Variants in DPP10 observed in about 807,000 individuals in gnomAD.
DPP10 encodes the protein dipeptidyl peptidase like 10, also known as inactive dipeptidyl peptidase 10.
A neutral mutation model predicts 120.9 loss-of-function variants in DPP10; 33 were observed. The observed-to-expected ratio is 0.27, with a 90% confidence interval of 0.21 to 0.37. DPP10 has a LOEUF of 0.37. DPP10 is among the 10% of genes least tolerant of loss of function. The pLI, the probability that DPP10 is intolerant of heterozygous loss-of-function variation, is 1.00. For synonymous variants in DPP10, 337 were observed against 326.1 expected, an observed-to-expected ratio of 1.03 and a Z score of -0.36; for missense variants, 816 against 942.8, an observed-to-expected ratio of 0.87 and a Z score of 1.76.
At chr2:114,731,107 G>A (rs1381449723) in intron 1 of DPP10, among the ~76,000 whole-genome samples, 1 of 151,864 alleles carries the variant, frequency 6.6e-6, no homozygotes, top group Non-Finnish European at 1.5e-5. Context: ...TGTGGATAGA[G>A]ACCTGTCTCT....
At chr2:115,816,724 C>G (rs1451925969) in intron 21 of DPP10, among the ~76,000 whole-genome samples, 5 of 148,038 alleles carry the variant, frequency 3.4e-5, no homozygotes, top group Admixed American at 2.7e-4. Flanking sequence ...TCAAGCGATT[C>G]TCCTGCATCA....
chr2:115,752,787 T>A (rs1678913868), intron 10 of DPP10, among the ~76,000 whole-genome samples: 1 of 152,200 alleles, frequency 6.6e-6, no homozygotes, highest in African/African-American at 2.4e-5. Flanking sequence ...CATACCTTTA[T>A]AAATGTATAC....
chr2:114,852,867 T>C (rs532998632), intron 1 of DPP10, among the ~76,000 whole-genome samples: 7 of 152,262 alleles, frequency 4.6e-5, no homozygotes, highest in Admixed American at 1.3e-4. Context: ...AACTTCAAAG[T>C]TTTGCTTTTC....
chr2:114,537,798 G>T (rs1466914570), intron 1 of DPP10, among the ~76,000 whole-genome samples: 1 of 152,214 alleles, frequency 6.6e-6, no homozygotes, highest in East Asian at 1.9e-4. Flanking sequence ...GCTAGTGGCA[G>T]CTTTGGAGCC....
intron 1 of DPP10, among the ~76,000 whole-genome samples, chr2:115,035,461 A>G (rs1704163812): frequency 6.6e-6 from 1 of 152,194 alleles, no homozygotes; most frequent in South Asian, 2.1e-4. Context: ...ACGTATCTTG[A>G]AGGAGGAGCT....
chr2:115,432,960 A>T (rs1027106954), intron 3 of DPP10, among the ~76,000 whole-genome samples: 1 of 151,970 alleles, frequency 6.6e-6, no homozygotes, highest in Non-Finnish European at 1.5e-5. Flanking sequence ...ATCCTTCATG[A>T]TATAGTGATC....
chr2:115,498,773 T>C (rs2076536763), intron 3 of DPP10, among the ~76,000 whole-genome samples: 1 of 150,730 alleles, frequency 6.6e-6, no homozygotes, highest in African/African-American at 2.4e-5. Flanking sequence ...TTTTACCTCG[T>C]TAGTAATTTC....
intron 5 of DPP10, among the ~76,000 whole-genome samples, chr2:115,604,144 TATTCAG>T (rs1401358425): frequency 9.9e-5 from 15 of 152,028 alleles, no homozygotes; most frequent in African/African-American, 3.6e-4. Context: ...TCTTTCAGGA[TATTCAG>T]ATTCCCTTTC....
chr2:115,085,960 C>G (rs947156418), intron 1 of DPP10, among the ~76,000 whole-genome samples: 2 of 152,078 alleles, frequency 1.3e-5, no homozygotes, highest in African/African-American at 4.8e-5. Flanking sequence ...GGTGGGTACC[C>G]TATATATCGT....
At chr2:115,374,541 G>A (rs2065645031) in intron 3 of DPP10, among the ~76,000 whole-genome samples, 2 of 152,184 alleles carry the variant, frequency 1.3e-5, no homozygotes, top group South Asian at 2.1e-4. Flanking sequence ...ACCAGGCAGT[G>A]CCCCAGTGGA....
chr2:115,680,609 GT>G (rs1262886813), intron 5 of DPP10, among the ~76,000 whole-genome samples: 1 of 151,798 alleles, frequency 6.6e-6, no homozygotes, highest in Non-Finnish European at 1.5e-5. Context: ...AATTTTAAAA[GT>G]ACTAGAAGAA....
chr2:115,823,869 T>C (rs1199173179), intron 21 of DPP10, among the ~76,000 whole-genome samples: 2 of 152,192 alleles, frequency 1.3e-5, no homozygotes, highest in African/African-American at 2.4e-5. Context: ...TAAAAAGCGA[T>C]GTGATTCATT....
intron 1 of DPP10, among the ~76,000 whole-genome samples, chr2:114,514,495 T>G (rs948253435): frequency 2.0e-5 from 3 of 152,184 alleles, no homozygotes; most frequent in Admixed American, 2.0e-4. Flanking sequence ...AGTTCTCTGT[T>G]TTCCTGGGTT....
chr2:115,582,676 T>C (rs2082066690), intron 5 of DPP10, among the ~76,000 whole-genome samples: 1 of 152,188 alleles, frequency 6.6e-6, no homozygotes. Flanking sequence ...TTCCAAGCAG[T>C]TTTTAACTTC....
chr2:114,960,111 T>C, intron 1 of DPP10, among the ~76,000 whole-genome samples: 1 of 152,146 alleles, frequency 6.6e-6, no homozygotes, highest in East Asian at 1.9e-4. Context: ...TATAACTTAC[T>C]GATACTACTA....
intron 1 of DPP10, among the ~76,000 whole-genome samples, chr2:115,091,215 C>T (rs557607843): frequency 1.3e-5 from 2 of 152,302 alleles, no homozygotes; most frequent in East Asian, 3.9e-4. Flanking sequence ...GACTTCCTCT[C>T]CTGTTCTACC....
At chr2:115,546,553 A>G (rs1207730319) in intron 5 of DPP10, among the ~76,000 whole-genome samples, 2 of 152,110 alleles carry the variant, frequency 1.3e-5, no homozygotes, top group African/African-American at 4.8e-5. Flanking sequence ...GCTGATAATG[A>G]TAACTAAGAG....
intron 9 of DPP10, among the ~76,000 whole-genome samples, chr2:115,743,303 A>C (rs1274399034): frequency 2.6e-5 from 4 of 152,134 alleles, no homozygotes; most frequent in African/African-American, 9.6e-5. Flanking sequence ...GAGGCAGCCT[A>C]ACGCTTAGTT....
intron 1 of DPP10, among the ~76,000 whole-genome samples, chr2:114,988,154 G>A (rs1272657468): frequency 6.6e-6 from 1 of 152,152 alleles, no homozygotes; most frequent in Admixed American, 6.5e-5. Context: ...ATAATTGAAT[G>A]TCTGGCGCAG....
Sources: gnomAD v4.1 joint callset for allele counts (sites outside exome capture counted in the v4.1 genomes callset) on GRCh38, gnomAD v4.1.1 for gene constraint, MANE v1.5 for transcripts, NCBI Gene and HGNC (gene_info 2026-07-23, HGNC 2026-07-21) for gene names.